FAM168A: variants seen among roughly 807,000 people sequenced by gnomAD.
The protein encoded by FAM168A is protein FAM168A.
FAM168A carries 3 observed loss-of-function variants against 28.5 expected under a neutral mutation model. That is an observed-to-expected ratio of 0.11 (90% confidence interval 0.05 to 0.27). The LOEUF is 0.27. Ranked by LOEUF, FAM168A falls within the 10% of genes least tolerant of loss-of-function variation. FAM168A has a pLI of 1.00. For synonymous variants in FAM168A, 122 were observed against 124.2 expected (o/e 0.98, Z 0.12); for missense variants, 222 against 311.5 (o/e 0.71, Z 2.16).
intron 4 of FAM168A, among the ~76,000 whole-genome samples, chr11:73,414,055 C>A (rs1430744867): frequency 1.3e-5 from 2 of 152,090 alleles, no homozygotes; most frequent in Non-Finnish European, 2.9e-5. Flanking sequence ...AGAGCAGGAC[C>A]CTGTCTCTTA....
intron 1 of FAM168A, among the ~76,000 whole-genome samples, chr11:73,510,344 C>T (rs560447552): frequency 6.6e-6 from 1 of 152,110 alleles, no homozygotes; most frequent in Non-Finnish European, 1.5e-5. Flanking sequence ...CTAAAGAGCA[C>T]GTGACCTTAT....
chr11:73,581,682 C>T (rs1169309449), intron 1 of FAM168A, among the ~76,000 whole-genome samples: 1 of 152,134 alleles, frequency 6.6e-6, no homozygotes, highest in Non-Finnish European at 1.5e-5. Context: ...GTCTCTGCTA[C>T]TTATTTTATA....
At chr11:73,586,953 A>T (rs1944319685) in intron 1 of FAM168A, among the ~76,000 whole-genome samples, 1 of 152,156 alleles carries the variant, frequency 6.6e-6, no homozygotes, top group South Asian at 2.1e-4. Flanking sequence ...CTACTAAGGC[A>T]AAGAAAAAAT....
chr11:73,532,266 A>C (rs1390770138), intron 1 of FAM168A, among the ~76,000 whole-genome samples: 1 of 152,138 alleles, frequency 6.6e-6, no homozygotes, highest in Non-Finnish European at 1.5e-5. Flanking sequence ...CTTTCCAAAC[A>C]AACCATGAGA....
intron 1 of FAM168A, among the ~76,000 whole-genome samples, chr11:73,546,634 A>G (rs895536410): frequency 2.6e-5 from 4 of 151,620 alleles, no homozygotes; most frequent in African/African-American, 9.7e-5. Flanking sequence ...CAGGAGGCTG[A>G]GGCAGGAGAA....
At chr11:73,594,773 C>T (rs1232506803) in intron 1 of FAM168A, among the ~76,000 whole-genome samples, 1 of 152,184 alleles carries the variant, frequency 6.6e-6, no homozygotes, top group Non-Finnish European at 1.5e-5. Context: ...AAGTGATCCA[C>T]CCACCTCGGC....
At chr11:73,526,519 T>A (rs1943449044) in intron 1 of FAM168A, among the ~76,000 whole-genome samples, 1 of 151,962 alleles carries the variant, frequency 6.6e-6, no homozygotes. Flanking sequence ...CTAAAAACAA[T>A]AACAAAAATC....
intron 1 of FAM168A, among the ~76,000 whole-genome samples, chr11:73,567,489 G>C (rs1231773655): frequency 6.6e-6 from 1 of 152,062 alleles, no homozygotes; most frequent in African/African-American, 2.4e-5. Context: ...ATGAGGAAAA[G>C]GTTTTATTAT....
intron 3 of FAM168A, among the ~76,000 whole-genome samples, chr11:73,424,065 G>T (rs985167714): frequency 1.3e-5 from 2 of 152,068 alleles, no homozygotes; most frequent in Non-Finnish European, 2.9e-5. Flanking sequence ...AATTATAAGA[G>T]GACAGTGTAT....
Position 73,499,787 on chromosome 11 carries a change from C to T in FAM168A, c.-18-31295G>A, listed in dbSNP as rs576079003. The stretch of plus-strand genomic sequence containing the variant: ...AAGAAAGGTTATCAGAGTTTGAAGA[C>T]CACTTTACTGAAATAAGACATGCAG... On this transcript the variant is annotated intron_variant, in intron 1 of 7. Transcript: ENST00000356467. Among the ~76,000 whole-genome samples, 725 of 151,852 alleles carry T rather than the reference C, an allele frequency of 4.8e-3. 4 individuals carry two copies. Among genetic ancestry groups the T allele is most frequent in the African/African-American group, 0.017 (689 of 41,380 alleles).
At chr11:73,476,679 T>TA (rs1041367367) in intron 1 of FAM168A, among the ~76,000 whole-genome samples, 26 of 151,072 alleles carry the variant, frequency 1.7e-4, no homozygotes, top group South Asian at 8.4e-4. Flanking sequence ...TTACAAATGT[T>TA]AAAAAAAAAC....
intron 3 of FAM168A, among the ~76,000 whole-genome samples, chr11:73,420,342 A>G (rs1866770215): frequency 6.6e-6 from 1 of 152,234 alleles, no homozygotes; most frequent in Non-Finnish European, 1.5e-5. Context: ...TTTCTCATTA[A>G]TGTGTAACAA....
intron 1 of FAM168A, among the ~76,000 whole-genome samples, chr11:73,593,602 C>G (rs895459493): frequency 2.0e-4 from 31 of 152,084 alleles, no homozygotes; most frequent in African/African-American, 6.0e-4. Context: ...AAAATCATAC[C>G]TCATTAATAA....
At chr11:73,498,372 G>A (rs1313404926) in intron 1 of FAM168A, among the ~76,000 whole-genome samples, 1 of 152,184 alleles carries the variant, frequency 6.6e-6, no homozygotes, top group Admixed American at 6.5e-5. Flanking sequence ...TACCCAGCCA[G>A]GGAGAGTGTG....
intron 1 of FAM168A, among the ~76,000 whole-genome samples, chr11:73,587,007 T>C (rs1374555280): frequency 2.6e-5 from 4 of 152,070 alleles, no homozygotes; most frequent in African/African-American, 9.7e-5. Flanking sequence ...AGTAAAGGTT[T>C]GACAACATCA....
At chr11:73,505,581 G>A (rs1855100979) in intron 1 of FAM168A, among the ~76,000 whole-genome samples, 1 of 152,082 alleles carries the variant, frequency 6.6e-6, no homozygotes, top group Admixed American at 6.6e-5. Context: ...AAAAATAAAA[G>A]AAGGGCAAAG....
intron 1 of FAM168A, among the ~76,000 whole-genome samples, chr11:73,481,170 C>T (rs1242960121): frequency 6.6e-6 from 1 of 152,176 alleles, no homozygotes; most frequent in Non-Finnish European, 1.5e-5. Context: ...CCTCCTGCCT[C>T]AGCCTCCCAC....
chr11:73,584,469 CTTT>C (rs1162075797), intron 1 of FAM168A, among the ~76,000 whole-genome samples: 20 of 128,272 alleles, frequency 1.6e-4, no homozygotes, highest in African/African-American at 5.5e-4. Context: ...GGCCCACTGA[CTTT>C]TTTTTTTTTT....
At chr11:73,554,865 T>C (rs1943871809) in intron 1 of FAM168A, among the ~76,000 whole-genome samples, 1 of 152,080 alleles carries the variant, frequency 6.6e-6, no homozygotes, top group Admixed American at 6.5e-5. Context: ...AAGAGAGAAA[T>C]GAAACTTGAT....
Sources: allele counts gnomAD v4.1 joint callset (sites outside exome capture counted in the v4.1 genomes callset), GRCh38; gene constraint gnomAD v4.1.1; transcripts MANE v1.5; gene names NCBI Gene and HGNC (gene_info 2026-07-23, HGNC 2026-07-21).